The following ZWILCH variants were observed in gnomAD, a reference collection of about 807,000 sequenced individuals.
ZWILCH encodes the protein protein zwilch homolog.
In ZWILCH, 74 loss-of-function variants were observed where a neutral mutation model predicts 79.9. That is an observed-to-expected ratio of 0.93 (90% CI 0.77 to 1.12). The LOEUF (loss-of-function observed/expected upper bound fraction) is 1.12. ZWILCH is among the 50% of genes most tolerant of loss of function. The pLI is 0.00. For synonymous variants in ZWILCH, 241 were observed against 228.2 expected, an observed-to-expected ratio of 1.06 and a Z score of -0.51; for missense variants, 694 against 687.5, an observed-to-expected ratio of 1.01 and a Z score of -0.11.
At chr15:66,514,245 C>G in intron 3 of ZWILCH, 162 bp downstream of exon 3, 2 of 405,632 alleles carry the variant, frequency 4.9e-6, no homozygotes, top group Non-Finnish European at 8.9e-6. Context: ...AAATATGAAC[C>G]ACATATGCAA....
intron 14 of ZWILCH, among the ~76,000 whole-genome samples, chr15:66,533,730 GCACA>G (rs61385253): frequency 0.015 from 2,261 of 149,830 alleles, 59 homozygotes; most frequent in African/African-American, 0.053. Flanking sequence ...ACACACACGC[GCACA>G]CACACACACA....
At chr15:66,525,458 A>G (rs995397721) in intron 8 of ZWILCH, among the ~76,000 whole-genome samples, 1 of 152,148 alleles carries the variant, frequency 6.6e-6, no homozygotes, top group Non-Finnish European at 1.5e-5. Flanking sequence ...TTTATTCCAC[A>G]TATACCTTGC....
intron 18 of ZWILCH, 54 bp downstream of exon 18, chr15:66,546,759 T>TA: frequency 1.1e-6 from 1 of 930,416 alleles, no homozygotes; most frequent in Non-Finnish European, 1.6e-6. Flanking sequence ...ATAAGTACCT[T>TA]ACGTTTAGTT....
chr15:66,537,540 A>G (rs1895053956), intron 16 of ZWILCH, among the ~76,000 whole-genome samples: 2 of 151,472 alleles, frequency 1.3e-5, no homozygotes, highest in Admixed American at 6.6e-5. Context: ...AAAATACAAA[A>G]ATTAGCTGGG....
rs112701267 is a variant in ZWILCH, at chr15:66,540,318, G to A, written c.1687+108G>A. ...TGTAATCCCAGCACTTTGGGAGGCCGGGGTGGGCAGATTGTGTGAGCTCAG... is the reference window on the plus strand; with the variant it reads ...TGTAATCCCAGCACTTTGGGAGGCCAGGGTGGGCAGATTGTGTGAGCTCAG... On this transcript the variant is annotated intron_variant, in intron 17 of 18. Transcript: ENST00000307897. The A allele has an allele frequency of 5.8e-4, 451 of 782,756 alleles. 4 individuals are homozygous for A. In the African/African-American group the frequency reaches 6.6e-3, roughly 12 times the overall value. 48.5% of individuals were successfully genotyped at this position (782,756 alleles called of 1,614,324 possible).
At chr15:66,514,974 C>A (rs549729063) in intron 3 of ZWILCH, among the ~76,000 whole-genome samples, 2 of 152,238 alleles carry the variant, frequency 1.3e-5, no homozygotes, top group Non-Finnish European at 2.9e-5. Flanking sequence ...GGTAGTCTTG[C>A]TCTTTTGCCC....
chr15:66,518,285 TGTC>T (rs1894361922), intron 4 of ZWILCH, among the ~76,000 whole-genome samples: 1 of 138,516 alleles, frequency 7.2e-6, no homozygotes, highest in Non-Finnish European at 1.6e-5. Flanking sequence ...AGACCTCTCG[TGTC>T]TTTTTTTTTT....
intron 12 of ZWILCH, among the ~76,000 whole-genome samples, chr15:66,531,079 C>CAT (rs61057036): frequency 0.015 from 2,272 of 152,308 alleles, 58 homozygotes; most frequent in African/African-American, 0.052. Context: ...GGGGAAATGA[C>CAT]ATTTTATGAG....
At chr15:66,523,172 A>C (rs551543250) in intron 7 of ZWILCH, among the ~76,000 whole-genome samples, 1 of 152,184 alleles carries the variant, frequency 6.6e-6, no homozygotes, top group Non-Finnish European at 1.5e-5. Context: ...ATTTACATAC[A>C]TTGGCATATA....
intron 2 of ZWILCH, among the ~76,000 whole-genome samples, chr15:66,510,331 G>T (rs1343439172): frequency 6.6e-6 from 1 of 150,712 alleles, no homozygotes; most frequent in Non-Finnish European, 1.5e-5. Flanking sequence ...AGGTTGCAGT[G>T]AGCAGAGATC....
intron 4 of ZWILCH, among the ~76,000 whole-genome samples, chr15:66,517,428 G>GTGTGTGTGTGTGTATA (rs1479759555): frequency 4.4e-5 from 1 of 22,488 alleles, no homozygotes; most frequent in Non-Finnish European, 7.1e-5. Context: ...GTGTGTGTGT[G>GTGTGTGTGTGTGTATA]TGTATATATA....
intron 4 of ZWILCH, among the ~76,000 whole-genome samples, chr15:66,516,521 T>C (rs185627072): frequency 9.1e-4 from 138 of 152,260 alleles, no homozygotes; most frequent in Middle Eastern, 3.4e-3. Flanking sequence ...TTTTTTTTCT[T>C]TGATATGGCA....
chr15:66,524,272 G>C lies in ZWILCH; in HGVS notation c.819+524G>C, dbSNP rs548979561. Among the ~76,000 whole-genome samples the C allele has an allele frequency of 2.0e-5, 3 of 152,194 alleles. No homozygotes were observed. The South Asian group carries it at 6.2e-4, about 32-fold the overall frequency. The stretch of plus-strand genomic sequence containing the variant: ...TCTTTCAGTAGTATATGAGGGTTCT[G>C]ATTTCTTTACATCTTTGTGAACACT... On this transcript the variant is annotated intron_variant, in intron 8 of 18. Coordinates refer to ENST00000307897, the MANE Select transcript of ZWILCH (RefSeq NM_017975.5).
At position 66,548,416 on chromosome 15, in the gene ZWILCH, G is replaced by T; in HGVS notation, c.*92G>T. On this transcript the variant is annotated 3_prime_UTR_variant, in exon 19 of 19. Transcript: ENST00000307897. ...TAGAACCTGAAAACAGCAATGTATG[G>T]AAACCCTCAAAGCAGAAAAGGGAGG... 1 of 706,198 alleles carries T rather than the reference G, an allele frequency of 1.4e-6. No homozygotes were observed. Among genetic ancestry groups the T allele is most frequent in the Non-Finnish European group, 2.4e-6 (1 of 419,696 alleles). The allele number at this position is 706,198 out of a possible 1,614,324, so 43.7% of individuals were successfully genotyped here. A position where few individuals can be genotyped will look rare whatever the true frequency, so the allele number is the denominator to read the frequency against.
chr15:66,541,324 A>T (rs1035267834), intron 17 of ZWILCH, among the ~76,000 whole-genome samples: 1 of 151,968 alleles, frequency 6.6e-6, no homozygotes, highest in Non-Finnish European at 1.5e-5. Flanking sequence ...GCACACACAA[A>T]ACTATCATTA....
intron 4 of ZWILCH, among the ~76,000 whole-genome samples, chr15:66,518,022 C>T (rs1026472415): frequency 6.6e-6 from 1 of 151,854 alleles, no homozygotes; most frequent in African/African-American, 2.4e-5. Flanking sequence ...TGAGCCACCG[C>T]GCCCGGCCTG....
rs145952622 is a variant in ZWILCH at position 66,544,724 on chromosome 15, T to TTTTTTTGTG, written c.1688-1866_1688-1865insTTTTTGTGT. Among the ~76,000 whole-genome samples the TTTTTTTGTG allele has an allele frequency of 6.0e-3, 767 of 128,524 alleles. 5 individuals are homozygous for TTTTTTTGTG. The highest frequency in any genetic ancestry group is 0.024 in the Middle Eastern group (6 of 248). 84.3% of individuals were successfully genotyped at this position (128,524 alleles called of 152,430 possible). On this transcript the variant is annotated intron_variant, in intron 17 of 18. Coordinates refer to ENST00000307897, the MANE Select transcript of ZWILCH (RefSeq NM_017975.5). ...TGTTTTTTTGTTGTTTTTTTGGTTT[T>TTTTTTTGTG]TGTGTGTGTGTGTGTGTGTGTGTGT...
Position 66,521,050 on chromosome 15 carries a change from G to A in ZWILCH, c.592G>A (p.Val198Ile). The A allele has an allele frequency of 1.2e-6, 2 of 1,614,010 alleles. No homozygotes were observed. Among genetic ancestry groups the A allele is most frequent in the South Asian group, 1.1e-5 (1 of 91,060 alleles). Residue 198 changes from valine (V) to isoleucine (I), a missense_variant and splice_region_variant, in exon 7 of 19, where the codon GTA becomes ATA. By Grantham distance (29) the Val-to-Ile change is conservative. Coordinates refer to ENST00000307897, the MANE Select transcript of ZWILCH (RefSeq NM_017975.5). ...LHKKRHHLST[V>I]TSKGFAQYEL... ...GATCTGCTGGGTACACTCTTTTCAG[G>A]TAACATCCAAAGGCTTTGCCCAGTA...
intron 3 of ZWILCH, 65 bp from the exon 4 acceptor site, chr15:66,515,461 T>TA (rs1894216074): frequency 1.1e-6 from 1 of 951,280 alleles, no homozygotes; most frequent in African/African-American, 1.6e-5. Flanking sequence ...TGTAGCATAG[T>TA]AAAGAGTCAG....
Sources: allele counts gnomAD v4.1 joint callset (sites outside exome capture counted in the v4.1 genomes callset), GRCh38; gene constraint gnomAD v4.1.1; transcripts MANE v1.5; gene names NCBI Gene and HGNC (gene_info 2026-07-23, HGNC 2026-07-21).